The following GALNTL5 variants were observed in gnomAD, a reference collection of about 807,000 sequenced individuals.
The protein encoded by GALNTL5 is inactive polypeptide N-acetylgalactosaminyltransferase-like protein 5.
GALNTL5 carries 44 observed loss-of-function variants against 51.0 expected under a neutral mutation model. That is an observed-to-expected ratio of 0.86 (90% CI 0.68 to 1.11). The LOEUF (loss-of-function observed/expected upper bound fraction) is 1.11. GALNTL5 is among the 50% of genes least tolerant of loss of function. GALNTL5 has a pLI of 0.00. For synonymous variants in GALNTL5, 192 were observed against 182.8 expected, an observed-to-expected ratio of 1.05 and a Z score of -0.41; for missense variants, 528 against 531.8, an observed-to-expected ratio of 0.99 and a Z score of 0.07.
At chr7:151,971,093 CTCTA>C (rs2081129657) in intron 3 of GALNTL5, 28 bp downstream of exon 3, 1 of 1,289,694 alleles carries the variant, frequency 7.8e-7, no homozygotes, top group Non-Finnish European at 1.1e-6. Context: ...TTCTCTCATT[CTCTA>C]GATAGATAGA....
At chr7:152,002,456 C>G (rs1013207142) in intron 5 of GALNTL5, among the ~76,000 whole-genome samples, 8 of 152,136 alleles carry the variant, frequency 5.3e-5, no homozygotes, top group African/African-American at 1.9e-4. Context: ...TCAGTTCCAC[C>G]TGCTCCTTTA....
At position 151,983,457 on chromosome 7, in the gene GALNTL5, T is replaced by G. The variant is rs147478625; in HGVS notation, c.535+305T>G. Among the ~76,000 whole-genome samples, 1,173 of 152,206 alleles carry G rather than the reference T, an allele frequency of 7.7e-3. 12 individuals are homozygous for G. The highest frequency in any genetic ancestry group is 0.027 in the African/African-American group (1,130 of 41,544). ...CCTCCCAAAGTGCTGGAATTACAGGTGTGAGCCACGACGCCTGACCATCTA... is the reference window on the plus strand; with the variant it reads ...CCTCCCAAAGTGCTGGAATTACAGGGGTGAGCCACGACGCCTGACCATCTA... On this transcript the variant is annotated intron_variant, in intron 4 of 8. Transcript: ENST00000392800.
chr7:151,998,926 T>C (rs2081536240), intron 5 of GALNTL5, among the ~76,000 whole-genome samples: 1 of 152,180 alleles, frequency 6.6e-6, no homozygotes, highest in Admixed American at 6.5e-5. Flanking sequence ...AACATAAAAC[T>C]GATCATTTAA....
Position 151,983,152 on chromosome 7 carries a change from G to A in GALNTL5, c.535G>A (p.Asp179Asn). ...TTTGGTAGATGACATGAGCAAAGTT[G>A]GTAAGATAGAACACTCATTATCTCA... Reference protein sequence around the residue: ...IILVDDMSKVDDLKEKLDYHL... With the variant: ...IILVDDMSKVNDLKEKLDYHL... The change falls in exon 4 of 9, where the codon GAT becomes AAT. Residue 179 changes from aspartate to asparagine, a missense_variant and splice_region_variant. Transcript: ENST00000392800. 1 of 1,611,084 alleles carries A rather than the reference G, an allele frequency of 6.2e-7. No individual in the cohort carries two copies. The highest frequency in any genetic ancestry group is 8.5e-7 in the Non-Finnish European group (1 of 1,177,474).
rs115112656 is a variant in GALNTL5, at chr7:151,993,893, A to G, written c.658+6612A>G. Among the ~76,000 whole-genome samples, 231 of 152,260 alleles carry G rather than the reference A, an allele frequency of 1.5e-3. 1 individual carries two copies. Among genetic ancestry groups the G allele is most frequent in the African/African-American group, 5.4e-3 (223 of 41,538 alleles). On this transcript the variant is annotated intron_variant, in intron 5 of 8. Transcript: ENST00000392800. ...CATCTTAACCTCTCAAAGTGCTGGG[A>G]TTACAGGCATGAGCCACCACACATG...
At chr7:151,963,394 A>T (rs2081015924) in intron 1 of GALNTL5, among the ~76,000 whole-genome samples, 1 of 152,012 alleles carries the variant, frequency 6.6e-6, no homozygotes, top group African/African-American at 2.4e-5. Flanking sequence ...TTTTCTAATG[A>T]TTTTTATTAT....
chr7:152,007,998 C>G, intron 7 of GALNTL5, 54 bp downstream of exon 7: 1 of 950,072 alleles, frequency 1.1e-6, no homozygotes, highest in Non-Finnish European at 1.7e-6. Flanking sequence ...CTAACTTTGT[C>G]ACATACAATG....
At chr7:151,984,146 A>G (rs1277475520) in intron 4 of GALNTL5, 3 of 152,242 alleles carry the variant, frequency 2.0e-5, no homozygotes, top group African/African-American at 7.2e-5. Flanking sequence ...TAATGCAGGA[A>G]AATGAGATGA....
intron 6 of GALNTL5, among the ~76,000 whole-genome samples, chr7:152,006,390 G>A (rs1387759245): frequency 6.6e-6 from 1 of 152,200 alleles, no homozygotes; most frequent in Non-Finnish European, 1.5e-5. Context: ...AGGAAGTGGG[G>A]TCAAAATAAG....
At chr7:151,977,724 G>A (rs190535328) in intron 3 of GALNTL5, among the ~76,000 whole-genome samples, 53 of 152,234 alleles carry the variant, frequency 3.5e-4, no homozygotes, top group Admixed American at 3.4e-3. Context: ...TTTTTTAGTG[G>A]TAGACATTGA....
Position 152,014,770 on chromosome 7 carries a change from C to T in GALNTL5, c.1153C>T (p.His385Tyr). ...GACACATAACTACCTAAGACTGGTGCACGTTTGGCTGGATGAATATAAGGT... is the reference window on the plus strand; with the variant it reads ...GACACATAACTACCTAAGACTGGTGTACGTTTGGCTGGATGAATATAAGGT... ...AMTHNYLRLVHVWLDEYKEQF... is the reference protein window; with the variant it reads ...AMTHNYLRLVYVWLDEYKEQF... The change falls in exon 8 of 9, where the codon CAC (histidine) becomes TAC (tyrosine). Residue 385 changes from histidine (H) to tyrosine (Y), a missense_variant. His to Tyr is a moderately conservative substitution (Grantham distance 83, BLOSUM62 2). Coordinates refer to ENST00000392800, the MANE Select transcript of GALNTL5 (RefSeq NM_145292.4). The T allele has an allele frequency of 1.2e-6, 2 of 1,611,290 alleles. No individual in the cohort carries two copies. The highest frequency in any genetic ancestry group is 1.7e-6 in the Non-Finnish European group (2 of 1,179,228).
intron 3 of GALNTL5, among the ~76,000 whole-genome samples, chr7:151,981,937 T>C (rs2151946528): frequency 6.6e-6 from 1 of 151,300 alleles, no homozygotes; most frequent in South Asian, 2.1e-4. Flanking sequence ...CATGAGCCAC[T>C]GTGCCAGCCA....
At chr7:152,001,238 G>C (rs996569768) in intron 5 of GALNTL5, among the ~76,000 whole-genome samples, 1 of 150,630 alleles carries the variant, frequency 6.6e-6, no homozygotes, top group East Asian at 1.9e-4. Flanking sequence ...TTTCTCGATT[G>C]TGTCTTTTAA....
intron 6 of GALNTL5, among the ~76,000 whole-genome samples, chr7:152,004,645 C>T (rs897755674): frequency 6.6e-6 from 1 of 152,168 alleles, no homozygotes; most frequent in African/African-American, 2.4e-5. Flanking sequence ...TGTCAGTCCA[C>T]ACTCTATGTC....
chr7:151,980,946 C>T (rs573685573), intron 3 of GALNTL5, among the ~76,000 whole-genome samples: 7 of 151,810 alleles, frequency 4.6e-5, no homozygotes, highest in South Asian at 2.1e-4. Flanking sequence ...GGGGTTTCAC[C>T]GTGTTAGCCA....
rs1305363588 is a variant in GALNTL5 at position 152,007,907 on chromosome 7, A to AT, written c.994dup (p.Trp332LeufsTer32). 6.2e-6 allele frequency: 10 copies of AT among 1,610,070 alleles called. No homozygotes were observed. The highest frequency in any genetic ancestry group is 8.5e-6 in the Non-Finnish European group (10 of 1,177,146). On this transcript the variant is annotated frameshift_variant, in exon 7 of 9. Transcript: ENST00000392800. LOFTEE classifies it high-confidence loss of function. ...ATTGGACAGTATGACAAGGATATGG[A>AT]TTTTTGGGGAAGAGAAAATTTGGAA...
intron 3 of GALNTL5, among the ~76,000 whole-genome samples, chr7:151,972,398 G>C (rs939125594): frequency 6.6e-6 from 1 of 152,190 alleles, no homozygotes; most frequent in African/African-American, 2.4e-5. Context: ...CCATTTTCTG[G>C]GGAGAAATTC....
At chr7:151,979,202 C>T (rs1237652217) in intron 3 of GALNTL5, among the ~76,000 whole-genome samples, 4 of 150,308 alleles carry the variant, frequency 2.7e-5, no homozygotes, top group African/African-American at 7.4e-5. Context: ...CTCCACCTCC[C>T]GGGTTCACGC....
chr7:151,974,503 A>G (rs1206082107), intron 3 of GALNTL5, among the ~76,000 whole-genome samples: 1 of 152,224 alleles, frequency 6.6e-6, no homozygotes, highest in East Asian at 1.9e-4. Context: ...CCTTGTTGCA[A>G]CTTGTGTGCA....
Sources: allele counts gnomAD v4.1 joint callset (sites outside exome capture counted in the v4.1 genomes callset), GRCh38; gene constraint gnomAD v4.1.1; transcripts MANE v1.5; gene names NCBI Gene and HGNC (gene_info 2026-07-23, HGNC 2026-07-21).